The following NLGN1 variants were observed in gnomAD, a reference collection of about 807,000 sequenced individuals.
NLGN1 encodes neuroligin-1.
A neutral mutation model predicts 65.5 loss-of-function variants in NLGN1; 12 were observed. That is an observed-to-expected ratio of 0.18 (90% CI 0.12 to 0.30). The LOEUF is 0.30. Ranked by LOEUF, NLGN1 falls within the 10% of genes least tolerant of loss-of-function variation. The pLI, the probability that NLGN1 is intolerant of heterozygous loss-of-function variation, is 1.00. For synonymous variants in NLGN1, 350 were observed against 359.5 expected, an observed-to-expected ratio of 0.97 and a Z score of 0.30; for missense variants, 750 against 1,007.1, an observed-to-expected ratio of 0.74 and a Z score of 3.46.
chr3:173,569,543 T>G (rs1744279190), intron 2 of NLGN1, among the ~76,000 whole-genome samples: 1 of 151,756 alleles, frequency 6.6e-6, no homozygotes, highest in Non-Finnish European at 1.5e-5. Context: ...AATTTTAATT[T>G]TTTTTTCTTT....
intron 1 of NLGN1, among the ~76,000 whole-genome samples, chr3:173,426,955 A>G (rs1716225534): frequency 6.6e-6 from 1 of 152,060 alleles, no homozygotes; most frequent in Non-Finnish European, 1.5e-5. Context: ...TTATCTGGTT[A>G]CGGACTTTCT....
At chr3:174,095,986 C>T (rs765474276) in intron 4 of NLGN1, among the ~76,000 whole-genome samples, 2 of 150,614 alleles carry the variant, frequency 1.3e-5, no homozygotes, top group East Asian at 2.0e-4. Flanking sequence ...GGTGACAGAG[C>T]GAGACTCCAT....
chr3:174,054,177 G>A (rs1735520639), intron 4 of NLGN1, among the ~76,000 whole-genome samples: 1 of 152,016 alleles, frequency 6.6e-6, no homozygotes, highest in Admixed American at 6.6e-5. Context: ...TAGAGAGCAA[G>A]GATTTGGTCT....
At chr3:173,670,868 A>G (rs949169515) in intron 3 of NLGN1, among the ~76,000 whole-genome samples, 3 of 152,250 alleles carry the variant, frequency 2.0e-5, no homozygotes, top group Non-Finnish European at 2.9e-5. Flanking sequence ...TTAAGCATCT[A>G]TTATACTATA....
At chr3:174,001,862 A>G (rs1723355446) in intron 4 of NLGN1, among the ~76,000 whole-genome samples, 1 of 152,050 alleles carries the variant, frequency 6.6e-6, no homozygotes, top group Non-Finnish European at 1.5e-5. Context: ...TGGTTCATGT[A>G]AAAACATCTT....
intron 3 of NLGN1, among the ~76,000 whole-genome samples, chr3:173,710,582 A>G (rs1768793642): frequency 6.6e-6 from 1 of 152,224 alleles, no homozygotes; most frequent in Non-Finnish European, 1.5e-5. Context: ...TGCCTGCAAC[A>G]ACCACTGAAT....
intron 3 of NLGN1, among the ~76,000 whole-genome samples, chr3:173,639,856 TCTTC>T (rs910183526): frequency 2.6e-5 from 4 of 152,122 alleles, no homozygotes; most frequent in African/African-American, 7.2e-5. Flanking sequence ...TGTGGAGTCT[TCTTC>T]CTTCCTTTCT....
chr3:173,592,652 A>T (rs1172093142), intron 2 of NLGN1, among the ~76,000 whole-genome samples: 1 of 152,184 alleles, frequency 6.6e-6, no homozygotes. Context: ...GGTTGTGTTA[A>T]TTGATGAAAA....
chr3:173,709,183 G>A (rs1768531391), intron 3 of NLGN1, among the ~76,000 whole-genome samples: 1 of 152,082 alleles, frequency 6.6e-6, no homozygotes, highest in South Asian at 2.1e-4. Flanking sequence ...TTTCTCATTT[G>A]CGCTGTATCT....
intron 4 of NLGN1, among the ~76,000 whole-genome samples, chr3:173,913,706 AG>A (rs1162163040): frequency 6.6e-6 from 1 of 152,214 alleles, no homozygotes; most frequent in African/African-American, 2.4e-5. Flanking sequence ...AGAAGAACTC[AG>A]GAACAGCCAA....
At chr3:173,517,138 G>A (rs548618644) in intron 2 of NLGN1, among the ~76,000 whole-genome samples, 8 of 152,084 alleles carry the variant, frequency 5.3e-5, no homozygotes, top group Non-Finnish European at 1.0e-4. Context: ...TTTTTGACAC[G>A]CATCAAGTTG....
intron 4 of NLGN1, among the ~76,000 whole-genome samples, chr3:174,221,865 A>G (rs1738723559): frequency 6.6e-6 from 1 of 150,426 alleles, no homozygotes; most frequent in East Asian, 1.9e-4. Context: ...CCATTATCAC[A>G]TGGACTTCTC....
intron 3 of NLGN1, among the ~76,000 whole-genome samples, chr3:173,770,173 C>A (rs1303432945): frequency 1.3e-5 from 2 of 152,112 alleles, no homozygotes; most frequent in Non-Finnish European, 2.9e-5. Flanking sequence ...TTCATTTATT[C>A]TGTGGTGGAA....
intron 3 of NLGN1, among the ~76,000 whole-genome samples, chr3:173,684,910 T>A (rs1374228198): frequency 6.6e-6 from 1 of 152,202 alleles, no homozygotes; most frequent in Non-Finnish European, 1.5e-5. Context: ...TAAATAATCC[T>A]TGCTCTACTT....
chr3:174,236,133 T>C (rs1421423), intron 4 of NLGN1, among the ~76,000 whole-genome samples: 47,528 of 151,964 alleles, frequency 0.31, 8,080 homozygotes, highest in East Asian at 0.52. Flanking sequence ...TTTTTTGGAA[T>C]CTATAAAGAT....
At chr3:173,666,291 A>G (rs2149711969) in intron 3 of NLGN1, among the ~76,000 whole-genome samples, 1 of 152,242 alleles carries the variant, frequency 6.6e-6, no homozygotes, top group East Asian at 1.9e-4. Flanking sequence ...AAGCCTAAGT[A>G]TCCTCCTTTA....
intron 3 of NLGN1, among the ~76,000 whole-genome samples, chr3:173,792,855 AT>A (rs1487013300): frequency 6.6e-6 from 1 of 152,176 alleles, no homozygotes; most frequent in Non-Finnish European, 1.5e-5. Context: ...ACTAGCTTCC[AT>A]TTGGAATAGA....
chr3:174,185,914 T>C (rs529646016), intron 4 of NLGN1, among the ~76,000 whole-genome samples: 1 of 152,228 alleles, frequency 6.6e-6, no homozygotes, highest in East Asian at 1.9e-4. Context: ...GTCTTAATTA[T>C]ATCTAAGTCT....
intron 3 of NLGN1, among the ~76,000 whole-genome samples, chr3:173,661,266 C>G (rs561825482): frequency 6.6e-6 from 1 of 152,064 alleles, no homozygotes; most frequent in African/African-American, 2.4e-5. Flanking sequence ...TATAATGCTT[C>G]AAGTTTATTA....
Sources: allele counts gnomAD v4.1 joint callset (sites outside exome capture counted in the v4.1 genomes callset), GRCh38; gene constraint gnomAD v4.1.1; transcripts MANE v1.5; gene names NCBI Gene and HGNC (gene_info 2026-07-23, HGNC 2026-07-21).